LRMDA: variants seen among roughly 807,000 people sequenced by gnomAD.
LRMDA encodes leucine-rich melanocyte differentiation-associated protein.
Under a neutral mutation model 29.8 loss-of-function variants are expected in LRMDA, and 18 were observed. The observed-to-expected ratio is 0.60, with a 90% confidence interval of 0.42 to 0.90. The LOEUF is 0.90. Ranked by LOEUF, LRMDA falls within the 40% of genes least tolerant of loss-of-function variation. The pLI, the probability that LRMDA is intolerant of heterozygous loss-of-function variation, is 0.00. For synonymous variants in LRMDA, 125 were observed against 109.4 expected, an observed-to-expected ratio of 1.14 and a Z score of -0.89; for missense variants, 273 against 273.9, an observed-to-expected ratio of 1.00 and a Z score of 0.02.
rs193018721 is a variant in LRMDA, at chr10:76,065,759, A to G, written c.516+6976A>G. On this transcript the variant is annotated intron_variant, in intron 5 of 6. Coordinates refer to ENST00000611255, the MANE Select transcript of LRMDA (RefSeq NM_001305581.2). ...CTCTCTGCCCTTGCTGTGGCTCCCC[A>G]TCTAAGGGAGGAATACACTTCCCCA... 1.7e-3 allele frequency among the ~76,000 whole-genome samples: 260 copies of G among 152,316 alleles called. 1 individual carries two copies. Among genetic ancestry groups the G allele is most frequent in the African/African-American group, 6.1e-3 (252 of 41,572 alleles).
chr10:75,918,022 A>G (rs1280245236), intron 2 of LRMDA, among the ~76,000 whole-genome samples: 1 of 152,170 alleles, frequency 6.6e-6, no homozygotes, highest in East Asian at 1.9e-4. Flanking sequence ...TGACACCCCC[A>G]GAGCTGAAAG....
chr10:75,601,318 CTCT>C (rs1448802884), intron 2 of LRMDA: 22 of 152,306 alleles, frequency 1.4e-4, no homozygotes, highest in African/African-American at 4.8e-4. Flanking sequence ...GGAATTCTGA[CTCT>C]TCTTCTTAAA....
At chr10:75,810,760 G>A (rs1405620982) in intron 2 of LRMDA, among the ~76,000 whole-genome samples, 1 of 152,234 alleles carries the variant, frequency 6.6e-6, no homozygotes, top group African/African-American at 2.4e-5. Flanking sequence ...CAACCTCTAA[G>A]TGAGGGTAAG....
chr10:76,113,577 T>C (rs1240360997), intron 5 of LRMDA, among the ~76,000 whole-genome samples: 1 of 152,068 alleles, frequency 6.6e-6, no homozygotes, highest in Non-Finnish European at 1.5e-5. Context: ...TCTTGACCAA[T>C]GAAAAGCCCC....
chr10:75,550,772 T>G (rs1456225790), intron 2 of LRMDA, among the ~76,000 whole-genome samples: 2 of 152,126 alleles, frequency 1.3e-5, no homozygotes, highest in Admixed American at 6.6e-5. Context: ...TTTGTATATA[T>G]TTATGATTTC....
intron 2 of LRMDA, among the ~76,000 whole-genome samples, chr10:75,587,699 G>C (rs1589194783): frequency 6.6e-6 from 1 of 152,182 alleles, no homozygotes; most frequent in African/African-American, 2.4e-5. Flanking sequence ...CAGTAACTTT[G>C]AATGACAGAA....
At chr10:75,538,299 GCAGCGATTTGGC>G (rs1279396420) in intron 2 of LRMDA, among the ~76,000 whole-genome samples, 9 of 152,150 alleles carry the variant, frequency 5.9e-5, no homozygotes. Flanking sequence ...TGAAAGCGGT[GCAGCGATTTGGC>G]CGAGTCCCTG....
chr10:75,794,342 A>C (rs1185740573), intron 2 of LRMDA, among the ~76,000 whole-genome samples: 2 of 152,188 alleles, frequency 1.3e-5, no homozygotes, highest in African/African-American at 4.8e-5. Flanking sequence ...TTTCTTGTTG[A>C]TGGAAATTTG....
intron 6 of LRMDA, among the ~76,000 whole-genome samples, chr10:76,365,085 C>CACACACATATAT (rs1272382582): frequency 1.4e-5 from 1 of 69,766 alleles, no homozygotes. Context: ...CACACACACA[C>CACACACATATAT]ATATATATAT....
At position 75,665,510 on chromosome 10, in the gene LRMDA, G is replaced by T. The variant is rs796077171; in HGVS notation, c.131+227016G>T. ...TAAGAACATGTGCACATGTACCCTA[G>T]AACTTAAAGTATAATAAAAAAAATG... On this transcript the variant is annotated intron_variant, in intron 2 of 6. Transcript: ENST00000611255. 4.6e-5 allele frequency among the ~76,000 whole-genome samples: 7 copies of T among 152,214 alleles called. No individual in the cohort carries two copies. In the East Asian group the frequency reaches 1.3e-3, roughly 29 times the overall value.
chr10:75,609,154 G>A (rs1169703980), intron 2 of LRMDA, among the ~76,000 whole-genome samples: 1 of 152,140 alleles, frequency 6.6e-6, no homozygotes, highest in Non-Finnish European at 1.5e-5. Context: ...AGGTTGGGAG[G>A]TGGGGTTAGA....
intron 2 of LRMDA, among the ~76,000 whole-genome samples, chr10:75,568,078 T>A (rs1372755637): frequency 6.6e-6 from 1 of 152,184 alleles, no homozygotes; most frequent in African/African-American, 2.4e-5. Flanking sequence ...CAAATTGTAG[T>A]CTTTTTAGGG....
chr10:75,849,724 A>G (rs1023545324), intron 2 of LRMDA, among the ~76,000 whole-genome samples: 4 of 152,204 alleles, frequency 2.6e-5, no homozygotes, highest in African/African-American at 9.6e-5. Flanking sequence ...CTATGTAACA[A>G]ACTTGCACAT....
intron 2 of LRMDA, among the ~76,000 whole-genome samples, chr10:75,871,024 A>T (rs894218395): frequency 6.6e-6 from 1 of 152,070 alleles, no homozygotes; most frequent in African/African-American, 2.4e-5. Flanking sequence ...CTGTGAGGAT[A>T]TTTTCAGCAT....
At chr10:75,588,455 T>C (rs1840682255) in intron 2 of LRMDA, among the ~76,000 whole-genome samples, 1 of 152,210 alleles carries the variant, frequency 6.6e-6, no homozygotes, top group Non-Finnish European at 1.5e-5. Flanking sequence ...AAGTCCAAAA[T>C]GCATAGAAAC....
At chr10:76,338,511 G>A (rs1840997992) in intron 6 of LRMDA, among the ~76,000 whole-genome samples, 1 of 152,072 alleles carries the variant, frequency 6.6e-6, no homozygotes, top group Non-Finnish European at 1.5e-5. Context: ...CAGCCACATG[G>A]GTCACATTGT....
chr10:75,941,223 C>T (rs139181530), intron 2 of LRMDA, among the ~76,000 whole-genome samples: 84 of 152,294 alleles, frequency 5.5e-4, no homozygotes, highest in Non-Finnish European at 1.1e-3. Flanking sequence ...CTCCACAGGC[C>T]AGCTCCTGCT....
At chr10:75,441,076 AG>A (rs1844321806) in intron 2 of LRMDA, among the ~76,000 whole-genome samples, 1 of 151,942 alleles carries the variant, frequency 6.6e-6, no homozygotes, top group South Asian at 2.1e-4. Context: ...TAAACAGGAG[AG>A]GGGGAAAATA....
At chr10:76,031,814 C>T (rs73281509) in intron 2 of LRMDA, among the ~76,000 whole-genome samples, 50 of 151,796 alleles carry the variant, frequency 3.3e-4, no homozygotes, top group African/African-American at 1.1e-3. Flanking sequence ...GGTTTGAGAA[C>T]ATCCCAGCCT....
Sources: gnomAD v4.1 joint callset for allele counts (sites outside exome capture counted in the v4.1 genomes callset) on GRCh38, gnomAD v4.1.1 for gene constraint, MANE v1.5 for transcripts, NCBI Gene and HGNC (gene_info 2026-07-23, HGNC 2026-07-21) for gene names.